SLC12A3: variants seen among roughly 807,000 people sequenced by gnomAD.
SLC12A3 encodes the protein Na-Cl cotransporter.
Under a neutral mutation model 121.0 loss-of-function variants are expected in SLC12A3, and 104 were observed. The observed-to-expected ratio is 0.86, with a 90% CI of 0.73 to 1.01. SLC12A3 has a LOEUF of 1.01. Among genes scored for constraint, SLC12A3 ranks in the 50% least tolerant of loss-of-function variants. The pLI is 0.00. For synonymous variants in SLC12A3, 536 were observed against 533.4 expected, an observed-to-expected ratio of 1.00 and a Z score of -0.07; for missense variants, 1,328 against 1,356.3, an observed-to-expected ratio of 0.98 and a Z score of 0.33.
chr16:56,887,772 T>TTTTATATATATATATATATATATATATA lies in SLC12A3; in HGVS notation c.2179-152_2179-151insTTATATATATATATATATATATATATAT, dbSNP rs796502149. 5.0e-5 allele frequency among the ~76,000 whole-genome samples: 3 copies of TTTTATATATATATATATATATATATATA among 59,964 alleles called. 1 individual carries two copies. The highest frequency in any genetic ancestry group is 9.3e-5 in the African/African-American group (1 of 10,800). 39.3% of individuals were successfully genotyped at this position (59,964 alleles called of 152,430 possible). On this transcript the variant is annotated intron_variant, in intron 17 of 25. Transcript: ENST00000563236. ...TTGTGCAAAACAAAAATTTTTAAGA[T>TTTTATATATATATATATATATATATATA]TATATATATATATATATATATATAT...
chr16:56,883,117 G>T (rs77524921), intron 13 of SLC12A3, among the ~76,000 whole-genome samples: 3,466 of 152,100 alleles, frequency 0.023, 140 homozygotes, highest in East Asian at 0.19. Context: ...AAAGAGAATT[G>T]CCCAAAGTCA....
chr16:56,908,711 G>A (rs143553766), intron 25 of SLC12A3, among the ~76,000 whole-genome samples: 299 of 152,166 alleles, frequency 2.0e-3, no homozygotes, highest in African/African-American at 6.7e-3. Flanking sequence ...AAAGTGCCCC[G>A]TGTTTCCTTG....
In SLC12A3 at chr16:56,914,108, C is replaced by T. The variant is rs1248726050; in HGVS notation, c.*703C>T. 1 of 152,224 alleles carries T rather than the reference C, an allele frequency of 6.6e-6. No individual in the cohort carries two copies. Among genetic ancestry groups the T allele is most frequent in the Non-Finnish European group, 1.5e-5 (1 of 68,112 alleles). The allele number at this position is 152,224 out of a possible 1,614,324, so 9.4% of individuals were successfully genotyped here. ...ATTTTTAGTAGAGATGGGGTTTCAC[C>T]ATGTTGACCAGGCTGGTGTTGAGCT... On this transcript the variant is annotated 3_prime_UTR_variant, in exon 26 of 26. Transcript: ENST00000563236.
intron 19 of SLC12A3, among the ~76,000 whole-genome samples, 198 bp downstream of exon 19, chr16:56,890,554 G>A (rs922547600): frequency 1.3e-5 from 2 of 152,230 alleles, no homozygotes; most frequent in East Asian, 3.9e-4. Flanking sequence ...GTGGGGCAGA[G>A]CCAGGACTGG....
rs750312643 is a variant in SLC12A3 at position 56,902,386 on chromosome 16, G to A, written c.2734G>A (p.Glu912Lys). The A allele has an allele frequency of 1.3e-5, 21 of 1,614,010 alleles. No individual in the cohort carries two copies. The highest frequency in any genetic ancestry group is 1.5e-5 in the Non-Finnish European group (18 of 1,180,024). ...NPRAEHTKRF[E>K]DMIAPFRLND... Reference sequence around the variant, plus strand: ...TCTCGTCCCCAGCACCAAGAGGTTTGAGGACATGATTGCACCCTTCCGTCT... The same window carrying A: ...TCTCGTCCCCAGCACCAAGAGGTTTAAGGACATGATTGCACCCTTCCGTCT... The change falls in exon 24 of 26, where the codon GAG (glutamate) becomes AAG (lysine). Residue 912 changes from glutamate to lysine, a missense_variant. Transcript: ENST00000563236.
chr16:56,893,682 T>G (rs1166925497), intron 21 of SLC12A3, among the ~76,000 whole-genome samples: 3 of 152,222 alleles, frequency 2.0e-5, no homozygotes, highest in Non-Finnish European at 4.4e-5. Flanking sequence ...CAGAGAGGGA[T>G]GAGGGCTCCC....
chr16:56,904,697 C>T, intron 25 of SLC12A3: 1 of 521,582 alleles, frequency 1.9e-6, no homozygotes. Flanking sequence ...TCCCAGGCAT[C>T]AGTGACCTCC....
chr16:56,876,287 C>T (rs1177003421), intron 8 of SLC12A3, among the ~76,000 whole-genome samples: 1 of 152,168 alleles, frequency 6.6e-6, no homozygotes, highest in African/African-American at 2.4e-5. Flanking sequence ...TGCAAAGACC[C>T]TGTTTCCAAA....
chr16:56,897,310 A>G (rs1596941541), intron 22 of SLC12A3, among the ~76,000 whole-genome samples: 1 of 152,142 alleles, frequency 6.6e-6, no homozygotes, highest in East Asian at 1.9e-4. Flanking sequence ...AAGTCATCCA[A>G]TTAATTAGCC....
At chr16:56,870,048 A>G (rs1258344490) in intron 4 of SLC12A3, 48 bp from the exon 5 acceptor site, 1 of 1,607,172 alleles carries the variant, frequency 6.2e-7, no homozygotes, top group Non-Finnish European at 8.5e-7. Context: ...AGTCCACCCC[A>G]GCCAACCGAC....
intron 6 of SLC12A3, among the ~76,000 whole-genome samples, chr16:56,871,277 C>T (rs1330916305): frequency 1.3e-5 from 2 of 152,318 alleles, no homozygotes; most frequent in African/African-American, 4.8e-5. Flanking sequence ...GTCCACCATA[C>T]CCACATCCCC....
intron 23 of SLC12A3, 126 bp downstream of exon 23, chr16:56,899,742 T>C (rs930131517): frequency 1.3e-6 from 1 of 755,532 alleles, no homozygotes; most frequent in Non-Finnish European, 2.4e-6. Context: ...CCTTCCTAGA[T>C]GTGTCAGAGG....
rs1256114752 is a variant in SLC12A3, at chr16:56,913,571, C to T, written c.*166C>T. 4 of 743,874 alleles carry T rather than the reference C, an allele frequency of 5.4e-6. No homozygotes were observed. Among genetic ancestry groups the T allele is most frequent in the Non-Finnish European group, 9.5e-6 (4 of 419,302 alleles). 46.1% of individuals were successfully genotyped at this position (743,874 alleles called of 1,614,324 possible). A position where few individuals can be genotyped will look rare whatever the true frequency, so the allele number is the denominator to read the frequency against. On this transcript the variant is annotated 3_prime_UTR_variant, in exon 26 of 26. Coordinates refer to ENST00000563236, the MANE Select transcript of SLC12A3 (RefSeq NM_001126108.2). Reference sequence around the variant, plus strand: ...GTAGATTTCCAAATCTGGCTGGACTCCACTTCCATGGGACACATTCCCTGG... The same window carrying T: ...GTAGATTTCCAAATCTGGCTGGACTTCACTTCCATGGGACACATTCCCTGG...
At chr16:56,909,148 C>T (rs1344087582) in intron 25 of SLC12A3, among the ~76,000 whole-genome samples, 1 of 151,936 alleles carries the variant, frequency 6.6e-6, no homozygotes, top group African/African-American at 2.4e-5. Flanking sequence ...ATTTATTTGT[C>T]ATTAAAATGA....
At chr16:56,869,543 G>T (rs1245695524) in intron 3 of SLC12A3, among the ~76,000 whole-genome samples, 186 bp from the exon 4 acceptor site, 2 of 152,158 alleles carry the variant, frequency 1.3e-5, no homozygotes, top group Non-Finnish European at 2.9e-5. Flanking sequence ...GGCCAGGCTG[G>T]TCTTGAACTC....
chr16:56,878,947 T>C, intron 9 of SLC12A3, 126 bp from the exon 10 acceptor site: 1 of 1,130,228 alleles, frequency 8.8e-7, no homozygotes, highest in South Asian at 1.3e-5. Context: ...GTCATCATTA[T>C]CATTGCATAA....
intron 6 of SLC12A3, among the ~76,000 whole-genome samples, chr16:56,872,084 T>G (rs1415319722): frequency 1.3e-5 from 2 of 152,170 alleles, no homozygotes; most frequent in African/African-American, 4.8e-5. Context: ...ACTCCTGACC[T>G]CAGGTGATCC....
intron 8 of SLC12A3, among the ~76,000 whole-genome samples, chr16:56,876,789 T>G (rs1322076688): frequency 4.6e-5 from 7 of 152,162 alleles, no homozygotes; most frequent in African/African-American, 1.7e-4. Flanking sequence ...GTTTATAAAT[T>G]GACTTCCCAT....
At position 56,913,807 on chromosome 16, in the gene SLC12A3, C is replaced by T. The variant is rs1356870680; in HGVS notation, c.*402C>T. ...CCTGGGTGAAAGTTCCTAAATCATG[C>T]CCTGCTTCCTCCAATAGGAGAATGG... is the stretch of plus-strand genomic sequence containing the variant. On this transcript the variant is annotated 3_prime_UTR_variant, in exon 26 of 26. Transcript: ENST00000563236. 3.1e-6 allele frequency: 1 copy of T among 322,792 alleles called. No homozygotes were observed. Among genetic ancestry groups the T allele is most frequent in the African/African-American group, 2.2e-5 (1 of 46,378 alleles). The allele number at this position is 322,792 out of a possible 1,614,324, so 20.0% of individuals were successfully genotyped here. A position where few individuals can be genotyped will look rare whatever the true frequency, so the allele number is the denominator to read the frequency against.
Sources: gnomAD v4.1 joint callset for allele counts (sites outside exome capture counted in the v4.1 genomes callset) on GRCh38, gnomAD v4.1.1 for gene constraint, MANE v1.5 for transcripts, NCBI Gene and HGNC (gene_info 2026-07-23, HGNC 2026-07-21) for gene names.